ULK4: variants seen among roughly 807,000 people sequenced by gnomAD.
ULK4 encodes inactive serine/threonine-protein kinase ULK4.
Under a neutral mutation model 160.6 loss-of-function variants are expected in ULK4, and 133 were observed. The observed-to-expected ratio is 0.83, with a 90% CI of 0.72 to 0.96. ULK4 has a LOEUF of 0.96. ULK4 is among the 40% of genes least tolerant of loss of function. The probability of loss-of-function intolerance (pLI) is 0.00; values close to 1 mark genes in which losing one functional copy is unlikely to be tolerated. For synonymous variants in ULK4, 534 were observed against 539.8 expected (o/e 0.99, Z 0.15); for missense variants, 1,580 against 1,499.5 (o/e 1.05, Z -0.89).
chr3:41,462,178 A>C (rs1559620286), intron 33 of ULK4, among the ~76,000 whole-genome samples: 1 of 152,198 alleles, frequency 6.6e-6, no homozygotes, highest in Non-Finnish European at 1.5e-5. Context: ...TGGATAAAAG[A>C]TATCATTTAT....
intron 22 of ULK4, among the ~76,000 whole-genome samples, chr3:41,735,281 G>A (rs1412644637): frequency 6.6e-6 from 1 of 152,140 alleles, no homozygotes; most frequent in Non-Finnish European, 1.5e-5. Flanking sequence ...GGTATGAGTA[G>A]AAGAAAAGAT....
At chr3:41,256,297 A>G (rs2078833442) in intron 35 of ULK4, among the ~76,000 whole-genome samples, 1 of 152,218 alleles carries the variant, frequency 6.6e-6, no homozygotes, top group African/African-American at 2.4e-5. Context: ...AATTTTGAAA[A>G]AGCAGAATAA....
intron 35 of ULK4, among the ~76,000 whole-genome samples, chr3:41,334,304 G>A (rs988712020): frequency 1.3e-5 from 2 of 152,076 alleles, no homozygotes; most frequent in Non-Finnish European, 2.9e-5. Flanking sequence ...TCAGAGGCCC[G>A]TTGCATCTCT....
intron 32 of ULK4, among the ~76,000 whole-genome samples, chr3:41,492,193 C>T (rs919797622): frequency 2.4e-4 from 37 of 151,892 alleles, no homozygotes; most frequent in African/African-American, 7.5e-4. Context: ...AATAAACATA[C>T]GTGTGCATGT....
rs536891604 is a variant in ULK4 at position 41,613,072 on chromosome 3, G to T, written c.3120+2597C>A. On this transcript the variant is annotated intron_variant, in intron 31 of 36. Transcript: ENST00000301831. ...CATAAGTAGCAGCCGAGCATGCAGGGCCCCACACAATCTTCTCATTATGCC... is the reference window on the plus strand; with the variant it reads ...CATAAGTAGCAGCCGAGCATGCAGGTCCCCACACAATCTTCTCATTATGCC... 2.6e-5 allele frequency among the ~76,000 whole-genome samples: 4 copies of T among 152,224 alleles called. No individual in the cohort carries two copies. The East Asian group carries it at 5.8e-4, about 22-fold the overall frequency.
chr3:41,249,052 C>T (rs2078697021), intron 36 of ULK4, among the ~76,000 whole-genome samples: 1 of 152,158 alleles, frequency 6.6e-6, no homozygotes, highest in Admixed American at 6.5e-5. Flanking sequence ...GTCACATTTG[C>T]CCCAGCCCTG....
rs59543183 is a variant in ULK4, at chr3:41,819,521, G to GAAAA, written c.1765-19_1765-16dup. 2 of 1,575,128 alleles carry GAAAA rather than the reference G, an allele frequency of 1.3e-6. No homozygotes were observed. The highest frequency in any genetic ancestry group is 1.7e-6 in the Non-Finnish European group (2 of 1,160,336). ...TTTTTTTCTTCCTAAAATGAAGTGG[G>GAAAA]AAAAAAAAAGGCAGTGAAGCTAACA... is the stretch of plus-strand genomic sequence containing the variant. On this transcript the variant is annotated splice_polypyrimidine_tract_variant and intron_variant, in intron 18 of 36. Transcript: ENST00000301831.
At chr3:41,267,018 T>TGGGG (rs757611081) in intron 35 of ULK4, among the ~76,000 whole-genome samples, 4 of 67,470 alleles carry the variant, frequency 5.9e-5, no homozygotes, top group African/African-American at 1.2e-4. Context: ...GTGTCTCTAT[T>TGGGG]GGGGGGGGGG....
chr3:41,568,450 A>G (rs2087859127), intron 31 of ULK4, among the ~76,000 whole-genome samples: 1 of 152,216 alleles, frequency 6.6e-6, no homozygotes, highest in South Asian at 2.1e-4. Flanking sequence ...TATGTTCATA[A>G]GTGATACTGA....
rs1348769256 is a variant in ULK4 at position 41,681,566 on chromosome 3, C to T, written c.2920G>A (p.Ala974Thr). ...AGATTGCTGTCAGAATCAACACTGG[C>T]CTTCTCCTTGCCATCCCCAAACTCC... ...NQEFGDGKEK[A>T]SVDSDSNLLA... Residue 974 changes from alanine to threonine, a missense_variant, in exon 29 of 37, where the codon GCC becomes ACC. Coordinates refer to ENST00000301831, the MANE Select transcript of ULK4 (RefSeq NM_017886.4). The T allele has an allele frequency of 6.2e-7, 1 of 1,613,974 alleles. No individual in the cohort carries two copies. The highest frequency in any genetic ancestry group is 8.5e-7 in the Non-Finnish European group (1 of 1,179,968).
chr3:41,770,802 G>C (rs59432762), intron 21 of ULK4, among the ~76,000 whole-genome samples: 18,803 of 152,136 alleles, frequency 0.12, 1,324 homozygotes, highest in Middle Eastern at 0.26. Flanking sequence ...CATGAGCCAA[G>C]ATGCCCAGCC....
intron 35 of ULK4, among the ~76,000 whole-genome samples, chr3:41,309,561 T>C (rs2080010289): frequency 6.6e-6 from 1 of 152,154 alleles, no homozygotes; most frequent in Non-Finnish European, 1.5e-5. Flanking sequence ...GCAATTAGAT[T>C]CAAAGTAGCC....
At chr3:41,308,637 A>AG (rs1257834555) in intron 35 of ULK4, among the ~76,000 whole-genome samples, 10 of 152,196 alleles carry the variant, frequency 6.6e-5, no homozygotes, top group Non-Finnish European at 1.0e-4. Flanking sequence ...AAGAGAGATC[A>AG]AGTAAGTCAG....
At chr3:41,750,617 A>G (rs1575648101) in intron 22 of ULK4, among the ~76,000 whole-genome samples, 1 of 152,114 alleles carries the variant, frequency 6.6e-6, no homozygotes, top group East Asian at 1.9e-4. Flanking sequence ...TTCCAAAACA[A>G]AAAAAACACT....
chr3:41,694,110 A>C (rs868608079), intron 27 of ULK4, among the ~76,000 whole-genome samples: 2 of 152,220 alleles, frequency 1.3e-5, no homozygotes, highest in South Asian at 2.1e-4. Context: ...GCAAATGAGA[A>C]AATGTGCTGA....
intron 19 of ULK4, among the ~76,000 whole-genome samples, chr3:41,815,057 C>T (rs1248563203): frequency 6.6e-6 from 1 of 151,966 alleles, no homozygotes; most frequent in African/African-American, 2.4e-5. Flanking sequence ...TACAGGCATG[C>T]ACCACCACGC....
At chr3:41,841,714 A>C in intron 17 of ULK4, among the ~76,000 whole-genome samples, 1 of 152,046 alleles carries the variant, frequency 6.6e-6, no homozygotes, top group Middle Eastern at 3.4e-3. Context: ...AAATGTGGGG[A>C]AAAGAAAGAG....
chr3:41,765,213 G>A (rs35578268), intron 21 of ULK4, among the ~76,000 whole-genome samples: 4,735 of 152,192 alleles, frequency 0.031, 109 homozygotes, highest in Non-Finnish European at 0.05. Flanking sequence ...ATACACCATG[G>A]AATACTATAC....
Position 41,454,917 on chromosome 3 carries a change from C to T in ULK4, c.3492+580G>A, listed in dbSNP as rs112516264. Among the ~76,000 whole-genome samples the T allele has an allele frequency of 2.8e-3, 423 of 152,036 alleles. 5 individuals carry two copies. In the South Asian group the frequency reaches 0.04, roughly 14 times the overall value. On this transcript the variant is annotated intron_variant, in intron 34 of 36. Transcript: ENST00000301831. ...TTCACCATACTGGTCAGGCTGGTCTCGAACACCTGATTCAAATGATCCACT... is the reference window on the plus strand; with the variant it reads ...TTCACCATACTGGTCAGGCTGGTCTTGAACACCTGATTCAAATGATCCACT...
Sources: allele counts gnomAD v4.1 joint callset (sites outside exome capture counted in the v4.1 genomes callset), GRCh38; gene constraint gnomAD v4.1.1; transcripts MANE v1.5; gene names NCBI Gene and HGNC (gene_info 2026-07-23, HGNC 2026-07-21).